Variants in KLF12 observed in about 807,000 individuals in gnomAD.
KLF12 encodes KLF transcription factor 12.
A neutral mutation model predicts 37.8 loss-of-function variants in KLF12; 9 were observed. That is an observed-to-expected ratio of 0.24 (90% CI 0.14 to 0.42). The LOEUF (loss-of-function observed/expected upper bound fraction) is 0.42, where lower values mean the gene tolerates loss of function less well. Among genes scored for constraint, KLF12 ranks in the 10% least tolerant of loss-of-function variants. The pLI is 1.00. For missense variants in KLF12, 411 were observed against 516.0 expected, an observed-to-expected ratio of 0.80 and a Z score of 1.97; for synonymous variants, 208 against 202.1, an observed-to-expected ratio of 1.03 and a Z score of -0.25.
the KLF12 span, among the ~76,000 whole-genome samples, chr13:74,215,755 C>G: frequency 6.6e-6 from 1 of 152,324 alleles, no homozygotes; most frequent in East Asian, 1.9e-4. Context: ...CAGTCCTCCT[C>G]CCAGAAGACT....
intron 1 of KLF12, among the ~76,000 whole-genome samples, chr13:74,093,532 G>T (rs965804312): frequency 1.3e-5 from 2 of 152,044 alleles, no homozygotes; most frequent in African/African-American, 4.8e-5. Flanking sequence ...TAATGAAAAA[G>T]AACATTGTAA....
chr13:74,245,568 T>C, the KLF12 span, among the ~76,000 whole-genome samples: 2 of 152,184 alleles, frequency 1.3e-5, no homozygotes, highest in South Asian at 4.1e-4. Flanking sequence ...TCTCATTTGA[T>C]AGATTAAAAA....
At chr13:74,268,508 G>A in the KLF12 span, among the ~76,000 whole-genome samples, 1 of 152,172 alleles carries the variant, frequency 6.6e-6, no homozygotes, top group South Asian at 2.1e-4. Flanking sequence ...GGGATAAGTG[G>A]TTTTATCATG....
chr13:73,746,070 A>T (rs1408730395), intron 6 of KLF12, among the ~76,000 whole-genome samples: 3 of 47,348 alleles, frequency 6.3e-5, no homozygotes, highest in African/African-American at 1.6e-4. Context: ...GAAACCACCA[A>T]AAAAAAAAAA....
chr13:74,068,509 T>C (rs1391053826), intron 1 of KLF12, among the ~76,000 whole-genome samples: 1 of 152,064 alleles, frequency 6.6e-6, no homozygotes, highest in Non-Finnish European at 1.5e-5. Flanking sequence ...CATCCAAAGA[T>C]TGATAGAAGA....
the KLF12 span, among the ~76,000 whole-genome samples, chr13:74,168,435 A>T: frequency 6.6e-5 from 10 of 152,100 alleles, no homozygotes; most frequent in African/African-American, 9.7e-5. Flanking sequence ...CCTAACACTG[A>T]CTCTGAGCTT....
intron 1 of KLF12, among the ~76,000 whole-genome samples, chr13:74,070,489 T>TTTTGTTTG: frequency 6.6e-6 from 1 of 151,734 alleles, no homozygotes; most frequent in Non-Finnish European, 1.5e-5. Context: ...GAATATGGGG[T>TTTTGTTTG]TTTGTTTGTT....
chr13:73,966,401 G>T (rs1566485916), intron 2 of KLF12, among the ~76,000 whole-genome samples: 3 of 152,152 alleles, frequency 2.0e-5, no homozygotes, highest in African/African-American at 7.2e-5. Context: ...AAAAGTAAAA[G>T]TTTAGAGAAA....
chr13:74,131,431 T>C lies in KLF12; in HGVS notation c.-32+2308A>G, dbSNP rs9573350. On this transcript the variant is annotated intron_variant, in intron 1 of 7. Transcript: ENST00000377669. ...CAGACCTTCCCTTTCAGCACACACA[T>C]AGGCTGCAGCTGTAGTAAACAACCA... 5.3e-4 allele frequency among the ~76,000 whole-genome samples: 80 copies of C among 152,298 alleles called. No individual in the cohort carries two copies. In the East Asian group the frequency reaches 0.014, roughly 27 times the overall value.
intron 3 of KLF12, among the ~76,000 whole-genome samples, chr13:73,915,918 T>C (rs1390810238): frequency 6.6e-6 from 1 of 152,052 alleles, no homozygotes; most frequent in Non-Finnish European, 1.5e-5. Context: ...CCATGCAATT[T>C]TTCTAAAAAC....
intron 1 of KLF12, among the ~76,000 whole-genome samples, chr13:74,041,164 T>A (rs1228114019): frequency 6.6e-6 from 1 of 152,144 alleles, no homozygotes; most frequent in African/African-American, 2.4e-5. Context: ...TCCTTCCACC[T>A]CAAATACCTC....
At chr13:73,718,405 T>C (rs1480852197) in intron 6 of KLF12, among the ~76,000 whole-genome samples, 2 of 152,154 alleles carry the variant, frequency 1.3e-5, no homozygotes, top group African/African-American at 4.8e-5. Context: ...TGAATTTACA[T>C]CAAAATGAAG....
intron 5 of KLF12, chr13:73,800,443 T>A (rs1882225433): frequency 6.6e-6 from 1 of 152,028 alleles, no homozygotes; most frequent in African/African-American, 2.4e-5. Context: ...AACAGATACA[T>A]CCATTCATTT....
chr13:73,853,415 G>A (rs914437864), intron 3 of KLF12, among the ~76,000 whole-genome samples: 5 of 152,124 alleles, frequency 3.3e-5, no homozygotes, highest in African/African-American at 1.2e-4. Flanking sequence ...GAGTGAGTGA[G>A]GAGGAGACAG....
intron 1 of KLF12, among the ~76,000 whole-genome samples, chr13:74,024,448 C>T (rs879861571): frequency 6.6e-6 from 1 of 152,170 alleles, no homozygotes; most frequent in Non-Finnish European, 1.5e-5. Context: ...ATCATTCTGT[C>T]ATGCTCAAGA....
At chr13:73,972,218 A>T in intron 2 of KLF12, among the ~76,000 whole-genome samples, 1 of 152,348 alleles carries the variant, frequency 6.6e-6, no homozygotes. Flanking sequence ...GGCTAACATT[A>T]TGAGTTTTGA....
At chr13:73,895,476 A>G (rs906987676) in intron 3 of KLF12, among the ~76,000 whole-genome samples, 4 of 152,242 alleles carry the variant, frequency 2.6e-5, no homozygotes, top group Non-Finnish European at 5.9e-5. Flanking sequence ...ATATGAAATT[A>G]TATTTAAGAC....
intron 1 of KLF12, among the ~76,000 whole-genome samples, chr13:74,070,382 T>C (rs958593): frequency 0.23 from 34,472 of 152,102 alleles, 4,516 homozygotes; most frequent in African/African-American, 0.35. Flanking sequence ...GAGTTGGAGA[T>C]AGAATGGACT....
intron 1 of KLF12, among the ~76,000 whole-genome samples, chr13:74,073,951 T>C (rs1041268123): frequency 1.1e-4 from 16 of 152,202 alleles, no homozygotes; most frequent in African/African-American, 3.1e-4. Flanking sequence ...TTGCAATCTT[T>C]CTTGCCCCAT....
Sources: gnomAD v4.1 joint callset for allele counts (sites outside exome capture counted in the v4.1 genomes callset) on GRCh38, gnomAD v4.1.1 for gene constraint, MANE v1.5 for transcripts, NCBI Gene and HGNC (gene_info 2026-07-23, HGNC 2026-07-21) for gene names.